The following FOXN3 variants were observed in gnomAD, a reference collection of about 807,000 sequenced individuals.
FOXN3 encodes the protein forkhead box protein N3.
In FOXN3, 7 loss-of-function variants were observed where a neutral mutation model predicts 38.4. That is an observed-to-expected ratio of 0.18 (90% CI 0.10 to 0.34). The LOEUF is 0.34. Among genes scored for constraint, FOXN3 ranks in the 10% least tolerant of loss-of-function variants. The pLI is 1.00. For missense variants in FOXN3, 456 were observed against 613.4 expected (o/e 0.74, Z 2.71); for synonymous variants, 230 against 242.2 (o/e 0.95, Z 0.47).
intron 4 of FOXN3, among the ~76,000 whole-genome samples, chr14:89,253,083 C>G (rs1014010912): frequency 6.6e-6 from 1 of 152,170 alleles, no homozygotes; most frequent in Non-Finnish European, 1.5e-5. Context: ...AATGCTGCCT[C>G]ATGATGGTCA....
intron 2 of FOXN3, among the ~76,000 whole-genome samples, chr14:89,394,227 T>C (rs1047565991): frequency 2.0e-5 from 3 of 149,240 alleles, no homozygotes; most frequent in Non-Finnish European, 4.5e-5. Context: ...TTTTTTTTTT[T>C]TTTTTTTGAG....
intron 1 of FOXN3, among the ~76,000 whole-genome samples, chr14:89,599,268 A>G (rs1896112837): frequency 6.6e-6 from 1 of 152,216 alleles, no homozygotes; most frequent in African/African-American, 2.4e-5. Context: ...GTAAGTACAC[A>G]TTCAATGGTT....
chr14:89,502,712 A>G (rs1201700886), intron 1 of FOXN3, among the ~76,000 whole-genome samples: 1 of 152,158 alleles, frequency 6.6e-6, no homozygotes, highest in Non-Finnish European at 1.5e-5. Flanking sequence ...GTGTATTTTA[A>G]TAAGTGTCGG....
chr14:89,561,076 C>A (rs7147376), intron 1 of FOXN3, among the ~76,000 whole-genome samples: 10,721 of 152,254 alleles, frequency 0.07, 1,255 homozygotes, highest in African/African-American at 0.24. Context: ...AGACGGAGAT[C>A]CATGCAGCCC....
chr14:89,562,536 G>A (rs1467327882), intron 1 of FOXN3, among the ~76,000 whole-genome samples: 4 of 152,000 alleles, frequency 2.6e-5, no homozygotes, highest in East Asian at 1.9e-4. Context: ...CTGGGATTAC[G>A]GGTGTGAGCC....
At chr14:89,326,715 A>T (rs921363468) in intron 3 of FOXN3, among the ~76,000 whole-genome samples, 1 of 152,246 alleles carries the variant, frequency 6.6e-6, no homozygotes, top group Non-Finnish European at 1.5e-5. Context: ...AAAAAAAAAG[A>T]ATCAGAGCTG....
At chr14:89,282,192 AC>A (rs1742699596) in intron 3 of FOXN3, among the ~76,000 whole-genome samples, 1 of 152,228 alleles carries the variant, frequency 6.6e-6, no homozygotes, top group Non-Finnish European at 1.5e-5. Flanking sequence ...GAAATGAGCT[AC>A]AGCACAAAAA....
chr14:89,473,300 A>G (rs988851979), intron 1 of FOXN3, among the ~76,000 whole-genome samples: 3 of 151,926 alleles, frequency 2.0e-5, no homozygotes, highest in Non-Finnish European at 2.9e-5. Flanking sequence ...CTGGAATTAC[A>G]GGCGTGAGCC....
At chr14:89,235,575 C>T (rs1188518030) in intron 4 of FOXN3, among the ~76,000 whole-genome samples, 1 of 152,208 alleles carries the variant, frequency 6.6e-6, no homozygotes, top group East Asian at 1.9e-4. Flanking sequence ...ACATCCTGAT[C>T]TCCAGCACAT....
intron 1 of FOXN3, among the ~76,000 whole-genome samples, chr14:89,443,066 C>T (rs1279599682): frequency 6.6e-6 from 1 of 152,162 alleles, no homozygotes; most frequent in Non-Finnish European, 1.5e-5. Flanking sequence ...CAGCAAATTG[C>T]AAATAAGCAA....
chr14:89,306,058 T>C (rs146595950), intron 3 of FOXN3, among the ~76,000 whole-genome samples: 2,370 of 152,334 alleles, frequency 0.016, 38 homozygotes, highest in South Asian at 0.024. Context: ...TACAGAGCTA[T>C]GTGCATATAA....
At chr14:89,283,288 C>T (rs1241114445) in intron 3 of FOXN3, among the ~76,000 whole-genome samples, 1 of 152,100 alleles carries the variant, frequency 6.6e-6, no homozygotes, top group Non-Finnish European at 1.5e-5. Flanking sequence ...TATTTTATGA[C>T]CTCTAAGAAC....
intron 2 of FOXN3, among the ~76,000 whole-genome samples, chr14:89,408,173 T>G (rs1891442668): frequency 6.6e-6 from 1 of 152,172 alleles, no homozygotes; most frequent in South Asian, 2.1e-4. Context: ...CCTGGCTCCA[T>G]GCTGGAAACA....
At chr14:89,386,396 G>A (rs934243750) in intron 2 of FOXN3, among the ~76,000 whole-genome samples, 14 of 152,240 alleles carry the variant, frequency 9.2e-5, no homozygotes, top group Admixed American at 6.5e-5. Flanking sequence ...ACGGACAGCC[G>A]CAGAGGCCTG....
chr14:89,180,956 A>ATG lies in FOXN3; in HGVS notation c.746-151_746-150insCA. 9 of 572,566 alleles carry ATG rather than the reference A, an allele frequency of 1.6e-5. 1 individual carries two copies. Among genetic ancestry groups the ATG allele is most frequent in the East Asian group, 1.2e-4 (4 of 33,738 alleles). 35.5% of individuals were successfully genotyped at this position (572,566 alleles called of 1,614,324 possible). On this transcript the variant is annotated intron_variant, in intron 4 of 5. Transcript: ENST00000557258. ...AACACACACACACACGTGCACATAC[A>ATG]CACACACACACACAGTCACACAGAC...
At chr14:89,491,058 T>C (rs904486487) in intron 1 of FOXN3, among the ~76,000 whole-genome samples, 1 of 152,114 alleles carries the variant, frequency 6.6e-6, no homozygotes, top group Non-Finnish European at 1.5e-5. Context: ...CACCACAGCC[T>C]CCGCCTCCCG....
chr14:89,471,016 T>TAG (rs1287041288), intron 1 of FOXN3, among the ~76,000 whole-genome samples: 136 of 152,242 alleles, frequency 8.9e-4, no homozygotes, highest in African/African-American at 3.1e-3. Context: ...CAATCCACAG[T>TAG]GAACATGTAG....
chr14:89,521,352 G>T (rs567840774), intron 1 of FOXN3, among the ~76,000 whole-genome samples: 1 of 96,186 alleles, frequency 1.0e-5, no homozygotes, highest in East Asian at 2.5e-4. Flanking sequence ...CTTCATAGAT[G>T]ATAGATAGAG....
rs1391105873 is a variant in FOXN3 at position 89,548,341 on chromosome 14, C to T, written c.-15+70687G>A. Among the ~76,000 whole-genome samples, 1 of 152,108 alleles carries T rather than the reference C, an allele frequency of 6.6e-6. No homozygotes were observed. Among genetic ancestry groups the T allele is most frequent in the Non-Finnish European group, 1.5e-5 (1 of 68,034 alleles). Reference sequence around the variant, plus strand: ...GTTTGTCAGAATATATGCATGTATGCGGCTAGGCTACATATACGGTTATAA... The same window carrying T: ...GTTTGTCAGAATATATGCATGTATGTGGCTAGGCTACATATACGGTTATAA... On this transcript the variant is annotated intron_variant, in intron 1 of 6. Transcript: ENST00000345097. The surrounding 1 kb of genome is among the most constrained non-coding windows in gnomAD (Gnocchi z 4.8).
Sources: gnomAD v4.1 joint callset for allele counts (sites outside exome capture counted in the v4.1 genomes callset) on GRCh38, gnomAD v4.1.1 for gene constraint, Gnocchi (gnomAD v3.1) non-coding constraint, MANE v1.5 for transcripts, NCBI Gene and HGNC (gene_info 2026-07-23, HGNC 2026-07-21) for gene names.